Variants in CPT1A observed in about 807,000 individuals in gnomAD.
CPT1A encodes carnitine O-palmitoyltransferase 1, liver isoform.
A neutral mutation model predicts 100.8 loss-of-function variants in CPT1A; 64 were observed. The ratio of observed to expected loss-of-function variants is 0.63; its 90% confidence interval spans 0.52 to 0.78. CPT1A has a LOEUF of 0.78. CPT1A is among the 30% of genes least tolerant of loss of function. The pLI, the probability that CPT1A is intolerant of heterozygous loss-of-function variation, is 0.00. For missense variants in CPT1A, 802 were observed against 1,034.1 expected (o/e 0.78, Z 3.08); for synonymous variants, 363 against 396.0 (o/e 0.92, Z 0.99).
At chr11:68,769,552 C>T (rs983694816) in intron 14 of CPT1A, among the ~76,000 whole-genome samples, 1 of 151,992 alleles carries the variant, frequency 6.6e-6, no homozygotes, top group Non-Finnish European at 1.5e-5. Context: ...TTAATCACAA[C>T]AGTCTTCTAA....
At chr11:68,774,187 A>C (rs1855079640) in intron 13 of CPT1A, among the ~76,000 whole-genome samples, 1 of 152,172 alleles carries the variant, frequency 6.6e-6, no homozygotes, top group African/African-American at 2.4e-5. Context: ...AAAGTTTTTA[A>C]AATAAACTTT....
chr11:68,773,940 CTCAAGT>C, intron 13 of CPT1A: 1 of 204,242 alleles, frequency 4.9e-6, no homozygotes, highest in South Asian at 8.8e-5. Context: ...GGCAGAACAC[CTCAAGT>C]GAGCATGCGC....
In CPT1A at chr11:68,789,315, G is replaced by C. The variant is rs527714220; in HGVS notation, c.967+4000C>G. Among the ~76,000 whole-genome samples the C allele has an allele frequency of 2.6e-4, 39 of 152,302 alleles. 1 individual carries two copies. The highest frequency in any genetic ancestry group is 2.4e-3 in the Admixed American group (36 of 15,282). On this transcript the variant is annotated intron_variant, in intron 9 of 18. Transcript: ENST00000265641. ...GGATTGTGACTGATGGGATCCTCCG[G>C]TGGGGATGTCTGAGAAAGTGGGTGG...
chr11:68,798,288 G>C (rs11828477), intron 6 of CPT1A, among the ~76,000 whole-genome samples: 6,034 of 152,256 alleles, frequency 0.04, 388 homozygotes, highest in African/African-American at 0.14. Context: ...TGTGCGGAGA[G>C]CTGTGCAGAG....
intron 1 of CPT1A, among the ~76,000 whole-genome samples, chr11:68,828,631 G>A (rs112192332): frequency 8.5e-5 from 13 of 152,346 alleles, no homozygotes; most frequent in East Asian, 5.8e-4. Context: ...CCAGGCCTGC[G>A]TCTGGATCCA....
intron 1 of CPT1A, among the ~76,000 whole-genome samples, chr11:68,820,164 G>C (rs994810881): frequency 1.0e-4 from 3 of 30,076 alleles, no homozygotes; most frequent in African/African-American, 1.3e-4. Flanking sequence ...TGAGTAGCTG[G>C]GACTAATAGG....
intron 1 of CPT1A, among the ~76,000 whole-genome samples, chr11:68,832,279 T>G (rs1009843886): frequency 9.2e-5 from 14 of 152,074 alleles, no homozygotes; most frequent in Non-Finnish European, 1.3e-4. Context: ...TGAAACCCTG[T>G]CTCTACTAAA....
At chr11:68,826,255 G>A (rs1856724532) in intron 1 of CPT1A, among the ~76,000 whole-genome samples, 1 of 151,478 alleles carries the variant, frequency 6.6e-6, no homozygotes, top group South Asian at 2.1e-4. Flanking sequence ...AGACCAGCCT[G>A]GCCAACATGG....
At position 68,787,680 on chromosome 11, in the gene CPT1A, G is replaced by A. The variant is rs146811658; in HGVS notation, c.968-2670C>T. ...TTTAGGGTTGGGTGCGGTGGCTCACGTCTATAATCCCAGCACTTTGGGAGG... is the reference window on the plus strand; with the variant it reads ...TTTAGGGTTGGGTGCGGTGGCTCACATCTATAATCCCAGCACTTTGGGAGG... On this transcript the variant is annotated intron_variant, in intron 9 of 18. Transcript: ENST00000265641. 5.2e-3 allele frequency among the ~76,000 whole-genome samples: 785 copies of A among 151,694 alleles called. 9 individuals carry two copies. The highest frequency in any genetic ancestry group is 0.018 in the African/African-American group (740 of 41,354).
In CPT1A at chr11:68,775,557, T is replaced by C. The variant is rs2153997121; in HGVS notation, c.1459-125A>G. On this transcript the variant is annotated intron_variant, in intron 12 of 18. Transcript: ENST00000265641. ...AAGTTTGAATCACAGCTGTTAAGGC[T>C]TCCAGTATGCTCAGCACCTAATGAG... 3 of 746,360 alleles carry C rather than the reference T, an allele frequency of 4.0e-6. No individual in the cohort carries two copies. In the South Asian group the frequency reaches 4.7e-5, roughly 12 times the overall value. The allele number at this position is 746,360 out of a possible 1,614,324, so 46.2% of individuals were successfully genotyped here.
chr11:68,803,894 A>T, intron 5 of CPT1A, 106 bp downstream of exon 5: 1 of 870,968 alleles, frequency 1.1e-6, no homozygotes, highest in Non-Finnish European at 2.0e-6. Context: ...CACACCGCTG[A>T]AGGCTACTTG....
chr11:68,807,738 G>A lies in CPT1A; in HGVS notation c.282-100C>T, dbSNP rs1190961554. The A allele has an allele frequency of 7.6e-6, 9 of 1,182,142 alleles. 1 individual carries two copies. The highest frequency in any genetic ancestry group is 1.9e-5 in the Admixed American group (1 of 51,950). The allele number at this position is 1,182,142 out of a possible 1,614,324, so 73.2% of individuals were successfully genotyped here. A position where few individuals can be genotyped will look rare whatever the true frequency, so the allele number is the denominator to read the frequency against. ...CAGACACCACGTGCTGCAGGGTCCA[G>A]CAGCCTGCCCCAGGTACAGCCGGGA... On this transcript the variant is annotated intron_variant, in intron 3 of 18. Transcript: ENST00000265641.
chr11:68,821,071 A>G (rs1362454386), intron 1 of CPT1A, among the ~76,000 whole-genome samples: 2 of 152,214 alleles, frequency 1.3e-5, no homozygotes, highest in Non-Finnish European at 2.9e-5. Flanking sequence ...CTCGGGTTCA[A>G]GTGATTCTCC....
At chr11:68,757,918 G>A (rs951153025) in intron 18 of CPT1A, among the ~76,000 whole-genome samples, 188 bp from the exon 19 acceptor site, 1 of 152,164 alleles carries the variant, frequency 6.6e-6, no homozygotes, top group South Asian at 2.1e-4. Context: ...AGAGATGACA[G>A]CTGATGTGTT....
chr11:68,825,179 A>G (rs1208599852), intron 1 of CPT1A, among the ~76,000 whole-genome samples: 1 of 152,132 alleles, frequency 6.6e-6, no homozygotes, highest in Non-Finnish European at 1.5e-5. Flanking sequence ...ATGTGTGAGA[A>G]CGGGTGAAGG....
At chr11:68,814,308 T>C (rs776110110) in intron 2 of CPT1A, among the ~76,000 whole-genome samples, 1 of 152,228 alleles carries the variant, frequency 6.6e-6, no homozygotes, top group Admixed American at 6.5e-5. Flanking sequence ...GTTTCTTTTT[T>C]TTTGTTTGTT....
In CPT1A at chr11:68,794,919, G is replaced by A. The variant is rs376651947; in HGVS notation, c.772-8C>T. The A allele has an allele frequency of 7.4e-6, 12 of 1,611,226 alleles. No homozygotes were observed. The highest frequency in any genetic ancestry group is 3.3e-5 in the South Asian group (3 of 91,034). Reference sequence around the variant, plus strand: ...AAGGATATACAGCAGATCCTGAAAAGCGACAAAGGTGGAGAGAATTTGCAT... The same window carrying A: ...AAGGATATACAGCAGATCCTGAAAAACGACAAAGGTGGAGAGAATTTGCAT... On this transcript the variant is annotated splice_region_variant and splice_polypyrimidine_tract_variant and intron_variant, in intron 7 of 18. Transcript: ENST00000265641.
chr11:68,811,599 C>T (rs993464290), intron 3 of CPT1A, among the ~76,000 whole-genome samples: 4 of 152,118 alleles, frequency 2.6e-5, no homozygotes, highest in Admixed American at 6.6e-5. Flanking sequence ...TTCAGAGCTG[C>T]GCAGAGCTGG....
chr11:68,839,267 T>A (rs1857099456), intron 1 of CPT1A, among the ~76,000 whole-genome samples: 2 of 152,222 alleles, frequency 1.3e-5, no homozygotes, highest in Non-Finnish European at 2.9e-5. Flanking sequence ...CCCCTGCGCC[T>A]TTAGATTTCG....
Sources: allele counts gnomAD v4.1 joint callset (sites outside exome capture counted in the v4.1 genomes callset), GRCh38; gene constraint gnomAD v4.1.1; transcripts MANE v1.5; gene names NCBI Gene and HGNC (gene_info 2026-07-23, HGNC 2026-07-21).